The following CNTN1 variants were observed in gnomAD, a reference collection of about 807,000 sequenced individuals.
CNTN1 encodes contactin 1.
Under a neutral mutation model 126.4 loss-of-function variants are expected in CNTN1, and 38 were observed. The observed-to-expected ratio is 0.30, with a 90% confidence interval of 0.23 to 0.39. CNTN1 has a LOEUF of 0.39. CNTN1 is among the 10% of genes least tolerant of loss of function. The probability of loss-of-function intolerance (pLI) is 1.00; values close to 1 mark genes in which losing one functional copy is unlikely to be tolerated. For missense variants in CNTN1, 1,009 were observed against 1,248.4 expected (o/e 0.81, Z 2.89); for synonymous variants, 413 against 422.6 (o/e 0.98, Z 0.28).
At chr12:40,988,334 G>A (rs947938083) in intron 16 of CNTN1, among the ~76,000 whole-genome samples, 8 of 152,158 alleles carry the variant, frequency 5.3e-5, no homozygotes, top group African/African-American at 1.9e-4. Context: ...GGACATCAAA[G>A]ATTCTGCTTG....
At chr12:41,041,277 G>A (rs1949399856) in intron 23 of CNTN1, among the ~76,000 whole-genome samples, 1 of 152,134 alleles carries the variant, frequency 6.6e-6, no homozygotes, top group African/African-American at 2.4e-5. Flanking sequence ...ACTTGATCAT[G>A]GTGGATAAGC....
chr12:41,015,166 G>A (rs1468062933), intron 18 of CNTN1, among the ~76,000 whole-genome samples: 1 of 148,038 alleles, frequency 6.8e-6, no homozygotes, highest in African/African-American at 2.5e-5. Flanking sequence ...TCTATACTTA[G>A]CATTTAAATC....
At chr12:41,058,116 A>G (rs1949865184) in intron 23 of CNTN1, among the ~76,000 whole-genome samples, 1 of 152,120 alleles carries the variant, frequency 6.6e-6, no homozygotes, top group South Asian at 2.1e-4. Flanking sequence ...TCAACATGGA[A>G]AAACAGGTAA....
intron 17 of CNTN1, among the ~76,000 whole-genome samples, chr12:41,003,569 T>C (rs1243197638): frequency 1.4e-5 from 2 of 141,528 alleles, no homozygotes; most frequent in East Asian, 3.9e-4. Context: ...TGAATCTATC[T>C]GGTCCTGGGC....
In CNTN1 at chr12:40,836,297, G is replaced by GTA. The variant is rs149516252; in HGVS notation, c.-76-72049_-76-72048dup. Among the ~76,000 whole-genome samples the GTA allele has an allele frequency of 8.8e-3, 1,307 of 147,930 alleles. 14 individuals are homozygous for GTA. Among genetic ancestry groups the GTA allele is most frequent in the African/African-American group, 0.025 (1,019 of 40,510 alleles). On this transcript the variant is annotated intron_variant, in intron 1 of 23. Transcript: ENST00000551295. ...GTATGTATATATAACACATATATGTGTATATATATATAAAATCAGATACTA... is the reference window on the plus strand; with the variant it reads ...GTATGTATATATAACACATATATGTGTATATATATATATAAAATCAGATACTA...
At chr12:41,001,432 C>T (rs1297748062) in intron 17 of CNTN1, among the ~76,000 whole-genome samples, 1 of 151,988 alleles carries the variant, frequency 6.6e-6, no homozygotes, top group Non-Finnish European at 1.5e-5. Flanking sequence ...TGACCTTTGC[C>T]CACTTTTTAA....
At chr12:41,014,422 A>G in intron 18 of CNTN1, 124 bp downstream of exon 18, 1 of 979,296 alleles carries the variant, frequency 1.0e-6, no homozygotes, top group Non-Finnish European at 1.6e-6. Flanking sequence ...AGAATATATT[A>G]CTATTTTTTT....
chr12:40,928,420 G>A (rs1026307321), intron 6 of CNTN1, among the ~76,000 whole-genome samples: 1 of 151,878 alleles, frequency 6.6e-6, no homozygotes, highest in Non-Finnish European at 1.5e-5. Flanking sequence ...TAATTATCCT[G>A]TGACCCTAAA....
chr12:40,724,492 A>C (rs1942300751), intron 1 of CNTN1, among the ~76,000 whole-genome samples: 1 of 152,216 alleles, frequency 6.6e-6, no homozygotes, highest in Non-Finnish European at 1.5e-5. Context: ...GGATCTCCTG[A>C]CTAGCAAAAT....
intron 23 of CNTN1, among the ~76,000 whole-genome samples, chr12:41,053,312 T>A (rs1215654552): frequency 1.3e-5 from 2 of 149,916 alleles, no homozygotes; most frequent in East Asian, 3.9e-4. Context: ...ACTAAACTTC[T>A]AAACATATAA....
At chr12:40,775,080 A>G (rs1939525821) in intron 1 of CNTN1, among the ~76,000 whole-genome samples, 1 of 151,340 alleles carries the variant, frequency 6.6e-6, no homozygotes, top group African/African-American at 2.4e-5. Flanking sequence ...TTGCTACTGA[A>G]CACCCGCTCT....
chr12:40,706,634 A>C (rs76083628), intron 1 of CNTN1, among the ~76,000 whole-genome samples: 1 of 110,396 alleles, frequency 9.1e-6, no homozygotes, highest in African/African-American at 2.9e-5. Context: ...TAAGTAAACA[A>C]AGAGAATATT....
At chr12:40,713,450 GTA>G (rs147636685) in intron 1 of CNTN1, among the ~76,000 whole-genome samples, 20,403 of 149,024 alleles carry the variant, frequency 0.14, 2,106 homozygotes, top group East Asian at 0.49. Flanking sequence ...ACTAAATAAA[GTA>G]TATATATATA....
chr12:40,877,195 C>T (rs530786553), intron 1 of CNTN1, among the ~76,000 whole-genome samples: 1 of 152,288 alleles, frequency 6.6e-6, no homozygotes, highest in Admixed American at 6.5e-5. Flanking sequence ...ACTCTGGGCT[C>T]AGTGAAGGTC....
Position 40,993,263 on chromosome 12 carries a change from G to A in CNTN1, c.2107G>A (p.Gly703Ser), listed in dbSNP as rs370161709. Residue 703 changes from glycine to serine, a missense_variant, in exon 17 of 24, where the codon GGT becomes AGT. Gly to Ser is a moderately conservative substitution (Grantham distance 56). Transcript: ENST00000551295. The stretch of plus-strand genomic sequence containing the variant: ...ACCATCTAACAGAATTAAAACAGAC[G>A]GTGCTGGTATGTATATACAAGAAAC... ...SIPSNRIKTD[G>S]AAPNVAPSDV... The A allele has an allele frequency of 5.3e-5, 85 of 1,613,238 alleles. No individual in the cohort carries two copies. The Middle Eastern group carries it at 9.9e-4, about 19-fold the overall frequency.
chr12:40,822,516 A>G (rs1462485960), intron 1 of CNTN1, among the ~76,000 whole-genome samples: 1 of 152,076 alleles, frequency 6.6e-6, no homozygotes, highest in Non-Finnish European at 1.5e-5. Flanking sequence ...CTTCCTCAAC[A>G]TTAAGCTTGT....
chr12:40,819,122 G>A (rs1465013137), intron 1 of CNTN1, among the ~76,000 whole-genome samples: 2 of 152,064 alleles, frequency 1.3e-5, no homozygotes, highest in African/African-American at 4.8e-5. Context: ...TCCTGTATAG[G>A]GTGTGTCTGA....
intron 17 of CNTN1, among the ~76,000 whole-genome samples, chr12:41,001,366 T>A (rs1174369239): frequency 6.6e-6 from 1 of 152,198 alleles, no homozygotes; most frequent in East Asian, 1.9e-4. Context: ...TATGTGGAGC[T>A]TTTTTCATAT....
intron 1 of CNTN1, among the ~76,000 whole-genome samples, chr12:40,871,983 G>A (rs528180300): frequency 4.6e-5 from 7 of 152,228 alleles, no homozygotes; most frequent in African/African-American, 1.7e-4. Flanking sequence ...ACCACTGAAT[G>A]AGATTGGATA....
Sources: gnomAD v4.1 joint callset for allele counts (sites outside exome capture counted in the v4.1 genomes callset) on GRCh38, gnomAD v4.1.1 for gene constraint, MANE v1.5 for transcripts, NCBI Gene and HGNC (gene_info 2026-07-23, HGNC 2026-07-21) for gene names.